MOK: variants seen among roughly 807,000 people sequenced by gnomAD.
MOK encodes the protein MAPK/MAK/MRK overlapping kinase.
In MOK, 59 loss-of-function variants were observed where a neutral mutation model predicts 54.2. That is an observed-to-expected ratio of 1.09 (90% CI 0.88 to 1.35). The LOEUF (loss-of-function observed/expected upper bound fraction) is 1.35. MOK is among the 40% of genes most tolerant of loss of function. The pLI is 0.00. For missense variants in MOK, 517 were observed against 526.2 expected (o/e 0.98, Z 0.17); for synonymous variants, 210 against 202.7 (o/e 1.04, Z -0.31).
chr14:102,247,259 A>G (rs1016719998), intron 7 of MOK: 1 of 152,260 alleles, frequency 6.6e-6, no homozygotes, highest in African/African-American at 2.4e-5. Flanking sequence ...CCCTAGGAGT[A>G]TGGATGCATG....
At chr14:102,224,551 C>CTATT (rs1481506638), downstream of MOK, 6 of 455,848 alleles carry the variant, frequency 1.3e-5, no homozygotes, top group Admixed American at 2.4e-5. Context: ...TGTCTGAAAC[C>CTATT]TATTTCTCTA....
At chr14:102,226,508 G>A (rs1235927984), downstream of MOK, 2 of 696,584 alleles carry the variant, frequency 2.9e-6, no homozygotes, top group South Asian at 1.5e-5. This position sits in a 1 kb window ranked among gnomAD's most constrained non-coding sequence, Gnocchi z 4.8. Context: ...GGTGGCAGAG[G>A]CCCCGCCGGG....
intron 1 of MOK, among the ~76,000 whole-genome samples, chr14:102,292,449 G>A (rs905354910): frequency 6.6e-5 from 10 of 152,008 alleles, no homozygotes; most frequent in Admixed American, 2.6e-4. Context: ...CTCTAGCCTG[G>A]GCAACAGAGC....
chr14:102,229,883 C>T, intron 10 of MOK: 1 of 554,184 alleles, frequency 1.8e-6, no homozygotes, highest in Non-Finnish European at 3.2e-6. Flanking sequence ...AGAATGCCGA[C>T]TGCAAGCTGA....
At chr14:102,246,798 C>A (rs1361424039) in intron 7 of MOK, among the ~76,000 whole-genome samples, 1 of 152,146 alleles carries the variant, frequency 6.6e-6, no homozygotes, top group African/African-American at 2.4e-5. Flanking sequence ...TAACAACCCA[C>A]ACAATCTTAT....
At chr14:102,281,326 A>C (rs1156946276) in intron 2 of MOK, among the ~76,000 whole-genome samples, 1 of 150,982 alleles carries the variant, frequency 6.6e-6, no homozygotes, top group Non-Finnish European at 1.5e-5. Context: ...TCTGTCTCAA[A>C]AAAAAAAAAA....
chr14:102,295,997 G>A (rs2071377640), intron 1 of MOK, among the ~76,000 whole-genome samples: 2 of 152,042 alleles, frequency 1.3e-5, no homozygotes, highest in Admixed American at 1.3e-4. Context: ...TGTAATCCCA[G>A]CACTTTGGGA....
chr14:102,271,490 C>A (rs2068356870), intron 2 of MOK, among the ~76,000 whole-genome samples: 1 of 151,990 alleles, frequency 6.6e-6, no homozygotes, highest in African/African-American at 2.4e-5. Context: ...ACTTTTTCAG[C>A]AAAAAATGGA....
chr14:102,244,142 G>T (rs1204984045), intron 7 of MOK, among the ~76,000 whole-genome samples: 1 of 152,170 alleles, frequency 6.6e-6, no homozygotes, highest in African/African-American at 2.4e-5. Flanking sequence ...AAGGAAGCTG[G>T]AGTCATTCAC....
At chr14:102,251,544 AATT>A (rs2066527537) in intron 6 of MOK, 1 of 639,610 alleles carries the variant, frequency 1.6e-6, no homozygotes, top group African/African-American at 1.8e-5. Context: ...TGGTGCTTTC[AATT>A]ATTTTCTTCC....
downstream of MOK, chr14:102,223,687 TTC>T (rs2064136827): frequency 6.6e-6 from 1 of 152,470 alleles, no homozygotes; most frequent in Non-Finnish European, 1.5e-5. Context: ...CTTGTTTATC[TTC>T]TGTTAAATTG....
intron 4 of MOK, among the ~76,000 whole-genome samples, chr14:102,256,893 G>A (rs965531081): frequency 7.9e-5 from 12 of 152,020 alleles, no homozygotes; most frequent in Admixed American, 7.2e-4. Context: ...AAGCACACGC[G>A]CCCAAATACA....
downstream of MOK, chr14:102,222,896 T>C (rs771978449): frequency 1.2e-6 from 2 of 1,613,966 alleles, no homozygotes; most frequent in East Asian, 4.5e-5. The surrounding 1 kb of genome is among the most constrained non-coding windows in gnomAD (Gnocchi z 4.4). Flanking sequence ...ACCTCACTGC[T>C]GCGCGCACAG....
At chr14:102,226,282 G>A (rs1175132272), downstream of MOK, 5 of 699,370 alleles carry the variant, frequency 7.1e-6, no homozygotes, top group Non-Finnish European at 1.3e-5. The surrounding 1 kb of genome is among the most constrained non-coding windows in gnomAD (Gnocchi z 4.8). Context: ...GATGAGGGTA[G>A]GCTCACACAA....
intron 2 of MOK, chr14:102,280,807 A>T (rs2069335873): frequency 6.6e-6 from 1 of 152,320 alleles, no homozygotes; most frequent in East Asian, 1.9e-4. Context: ...TTACGTAACC[A>T]CACAATCTTC....
At chr14:102,218,931 C>T in the MOK span, among the ~76,000 whole-genome samples, 6 of 152,238 alleles carry the variant, frequency 3.9e-5, no homozygotes, top group African/African-American at 1.2e-4. Context: ...GCCAGGTCCT[C>T]CGTCGGCCGG....
intron 4 of MOK, among the ~76,000 whole-genome samples, chr14:102,258,633 A>C (rs1411226853): frequency 1.3e-5 from 2 of 150,582 alleles, no homozygotes; most frequent in Non-Finnish European, 3.0e-5. Flanking sequence ...CAATTCTACC[A>C]CTCCTCCAGG....
At chr14:102,254,239 C>T (rs983609445) in intron 4 of MOK, among the ~76,000 whole-genome samples, 7 of 152,184 alleles carry the variant, frequency 4.6e-5, no homozygotes, top group East Asian at 3.8e-4. Flanking sequence ...CCGCCCGCCT[C>T]GGCCTCCCGA....
chr14:102,304,810 C>T (rs3818666), intron 1 of MOK, 152 bp downstream of exon 1: 17,448 of 792,824 alleles, frequency 0.022, 530 homozygotes, highest in African/African-American at 0.11. Flanking sequence ...GGATTCGGGG[C>T]CCACATGCGG....
Sources: allele counts gnomAD v4.1 joint callset (sites outside exome capture counted in the v4.1 genomes callset), GRCh38; gene constraint gnomAD v4.1.1; non-coding constraint Gnocchi (gnomAD v3.1); transcripts MANE v1.5; gene names NCBI Gene and HGNC (gene_info 2026-07-23, HGNC 2026-07-21).